Variants in PATJ observed in about 807,000 individuals in gnomAD.
PATJ encodes the protein PATJ crumbs cell polarity complex component, also known as inaD-like protein.
In PATJ, 190 loss-of-function variants were observed where a neutral mutation model predicts 224.9. The observed-to-expected ratio is 0.84, with a 90% CI of 0.75 to 0.95. The LOEUF is 0.95. Among genes scored for constraint, PATJ ranks in the 40% least tolerant of loss-of-function variants. The pLI, the probability that PATJ is intolerant of heterozygous loss-of-function variation, is 0.00. For synonymous variants in PATJ, 769 were observed against 820.3 expected (o/e 0.94, Z 1.07); for missense variants, 2,121 against 2,270.3 (o/e 0.93, Z 1.34).
intron 14 of PATJ, among the ~76,000 whole-genome samples, chr1:61,822,292 C>T (rs1303752859): frequency 1.3e-5 from 2 of 152,056 alleles, no homozygotes; most frequent in Non-Finnish European, 2.9e-5. Context: ...CATGGTGGCG[C>T]ACGCCTGTAG....
chr1:61,946,311 G>C (rs543077275), intron 27 of PATJ, among the ~76,000 whole-genome samples: 6 of 152,222 alleles, frequency 3.9e-5, no homozygotes, highest in Admixed American at 3.9e-4. Context: ...AAAATTGATA[G>C]ACCACTAGCA....
intron 27 of PATJ, among the ~76,000 whole-genome samples, chr1:61,979,550 G>A (rs1644336278): frequency 6.6e-6 from 1 of 151,790 alleles, no homozygotes; most frequent in African/African-American, 2.4e-5. Context: ...CTAGTCAGGA[G>A]GCTGAGGCAG....
chr1:62,035,615 ATT>A (rs1172100483), intron 29 of PATJ, among the ~76,000 whole-genome samples: 24 of 124,282 alleles, frequency 1.9e-4, no homozygotes, highest in Middle Eastern at 7.9e-3. Flanking sequence ...CCATTCATTC[ATT>A]TTTTTTTTTT....
chr1:61,997,373 C>T (rs2067506), intron 28 of PATJ, among the ~76,000 whole-genome samples: 32,407 of 152,074 alleles, frequency 0.21, 3,655 homozygotes, highest in African/African-American at 0.26. Flanking sequence ...AGTGGTCAGC[C>T]TCACACACTA....
At chr1:61,945,613 C>A (rs1157360136) in intron 27 of PATJ, among the ~76,000 whole-genome samples, 1 of 152,118 alleles carries the variant, frequency 6.6e-6, no homozygotes, top group South Asian at 2.1e-4. Context: ...GACTTAGACT[C>A]CCACACAATA....
intron 30 of PATJ, among the ~76,000 whole-genome samples, chr1:62,048,506 A>AG (rs1558092272): frequency 2.1e-5 from 3 of 140,020 alleles, no homozygotes; most frequent in African/African-American, 7.8e-5. Context: ...AGATCGTGCC[A>AG]CTGCATTCTA....
intron 33 of PATJ, among the ~76,000 whole-genome samples, chr1:62,094,108 C>T (rs970865504): frequency 1.3e-5 from 2 of 152,118 alleles, no homozygotes; most frequent in African/African-American, 4.8e-5. Flanking sequence ...TTAAAAAACA[C>T]ACACAGCCAG....
intron 42 of PATJ, among the ~76,000 whole-genome samples, chr1:62,149,746 A>G (rs185480724): frequency 5.3e-5 from 8 of 152,156 alleles, no homozygotes; most frequent in Non-Finnish European, 1.0e-4. Context: ...CAGGCTGGGA[A>G]CCACAAGCTT....
chr1:61,923,711 A>G (rs1397923526), intron 26 of PATJ, among the ~76,000 whole-genome samples: 1 of 151,308 alleles, frequency 6.6e-6, no homozygotes, highest in Admixed American at 6.6e-5. Context: ...TGAGGCCAGG[A>G]GTTTGAGACC....
chr1:62,086,228 A>ATTGTGTGTGTGTGTGTGTG lies in PATJ; in HGVS notation c.4377+1581_4377+1582insTGTGTGTGTGTGTGTGTGT, dbSNP rs1491288534. ...TACTCAAGATGTGATTAATTAATGC[A>ATTGTGTGTGTGTGTGTGTG]TGTGTGTGTGTGTGTATGTGTGTGT... is the stretch of plus-strand genomic sequence containing the variant. On this transcript the variant is annotated intron_variant, in intron 33 of 43. Transcript: ENST00000642238. The surrounding 1 kb of genome is among the most constrained non-coding windows in gnomAD (Gnocchi z 4.0). Among the ~76,000 whole-genome samples, 4 of 150,224 alleles carry ATTGTGTGTGTGTGTGTGTG rather than the reference A, an allele frequency of 2.7e-5. No homozygotes were observed. The highest frequency in any genetic ancestry group is 7.5e-5 in the African/African-American group (3 of 40,198).
At chr1:61,896,264 C>A (rs1014110056) in intron 22 of PATJ, among the ~76,000 whole-genome samples, 2 of 148,922 alleles carry the variant, frequency 1.3e-5, no homozygotes, top group Admixed American at 1.4e-4. Flanking sequence ...CCACTGCACT[C>A]CATCCTGGGC....
chr1:62,117,458 T>C (rs1664564628), intron 37 of PATJ: 2 of 1,334,178 alleles, frequency 1.5e-6, no homozygotes, highest in Non-Finnish European at 1.9e-6. Flanking sequence ...CTTTTCTCTC[T>C]ATTAGTTCTA....
chr1:62,051,108 A>G (rs750290230), intron 31 of PATJ, 50 bp downstream of exon 31: 2 of 1,360,524 alleles, frequency 1.5e-6, no homozygotes, highest in South Asian at 2.4e-5. Context: ...GGGATGTATC[A>G]CTTATATTTT....
At chr1:61,794,037 G>A (rs189398373) in intron 9 of PATJ, among the ~76,000 whole-genome samples, 189 of 1,566 alleles carry the variant, frequency 0.12, 1 homozygote, top group African/African-American at 0.29. Context: ...CAAGTAGCTG[G>A]GATTAGATGT....
intron 17 of PATJ, among the ~76,000 whole-genome samples, chr1:61,851,631 G>A (rs1229974246): frequency 6.6e-6 from 1 of 152,140 alleles, no homozygotes; most frequent in African/African-American, 2.4e-5. Context: ...CTGAAGTACT[G>A]TAAGCAGAGG....
Position 62,045,257 on chromosome 1 carries a change from C to T in PATJ, c.4033-5709C>T, listed in dbSNP as rs1652322379. 2.6e-5 allele frequency among the ~76,000 whole-genome samples: 4 copies of T among 151,718 alleles called. No individual in the cohort carries two copies. In the South Asian group the frequency reaches 6.2e-4, roughly 24 times the overall value. On this transcript the variant is annotated intron_variant, in intron 30 of 43. Transcript: ENST00000642238. The stretch of plus-strand genomic sequence containing the variant: ...AAAAAAAAGGAAATGTTTTTTCAAT[C>T]CACAATAACATCCTTAACGAATTTA...
At chr1:61,902,483 C>T (rs1319760655) in intron 24 of PATJ, among the ~76,000 whole-genome samples, 1 of 151,976 alleles carries the variant, frequency 6.6e-6, no homozygotes, top group East Asian at 1.9e-4. Flanking sequence ...TTGGACAAGT[C>T]ATTAGACCTA....
At chr1:62,032,149 C>T (rs1649437935) in intron 29 of PATJ, among the ~76,000 whole-genome samples, 1 of 152,018 alleles carries the variant, frequency 6.6e-6, no homozygotes, top group African/African-American at 2.4e-5. Flanking sequence ...AGGCTGAGGT[C>T]TTGTCTGGAG....
At chr1:61,989,227 A>G (rs1322465377) in intron 27 of PATJ, among the ~76,000 whole-genome samples, 9 of 152,370 alleles carry the variant, frequency 5.9e-5, no homozygotes, top group South Asian at 2.1e-4. Flanking sequence ...TAAGAGAAGT[A>G]TAGAACACCT....
Sources: gnomAD v4.1 joint callset for allele counts (sites outside exome capture counted in the v4.1 genomes callset) on GRCh38, gnomAD v4.1.1 for gene constraint, Gnocchi (gnomAD v3.1) non-coding constraint, MANE v1.5 for transcripts, NCBI Gene and HGNC (gene_info 2026-07-23, HGNC 2026-07-21) for gene names.